Variants in CCDC126 observed in about 807,000 individuals in gnomAD.
The protein encoded by CCDC126 is coiled-coil domain-containing protein 126.
CCDC126 carries 5 observed loss-of-function variants against 11.7 expected under a neutral mutation model. That is an observed-to-expected ratio of 0.43 (90% CI 0.22 to 0.90). CCDC126 has a LOEUF of 0.90. Among genes scored for constraint, CCDC126 ranks in the 40% least tolerant of loss-of-function variants. The pLI, the probability that CCDC126 is intolerant of heterozygous loss-of-function variation, is 0.27. For synonymous variants in CCDC126, 60 were observed against 61.9 expected (o/e 0.97, Z 0.14); for missense variants, 150 against 163.1 (o/e 0.92, Z 0.44).
chr7:23,641,400 A>G (rs1169140497), intron 3 of CCDC126, among the ~76,000 whole-genome samples: 1 of 152,174 alleles, frequency 6.6e-6, no homozygotes, highest in Non-Finnish European at 1.5e-5. Flanking sequence ...TATTCTAGGT[A>G]GTAGATCTTT....
At chr7:23,618,308 C>T (rs1782828665) in intron 3 of CCDC126, among the ~76,000 whole-genome samples, 1 of 152,172 alleles carries the variant, frequency 6.6e-6, no homozygotes, top group Non-Finnish European at 1.5e-5. Context: ...AAATCCCCAA[C>T]TCTCTAATCA....
At chr7:23,629,432 A>G (rs1387276437) in intron 3 of CCDC126, among the ~76,000 whole-genome samples, 1 of 152,204 alleles carries the variant, frequency 6.6e-6, no homozygotes, top group Non-Finnish European at 1.5e-5. Context: ...TGAGAAATCA[A>G]TTTCTATTAA....
intron 3 of CCDC126, among the ~76,000 whole-genome samples, chr7:23,628,117 T>G (rs1016961229): frequency 1.3e-5 from 2 of 152,158 alleles, no homozygotes; most frequent in African/African-American, 4.8e-5. Context: ...CTTTTATAGT[T>G]TGAAGAAAAC....
At chr7:23,638,867 A>C (rs1783298586) in intron 3 of CCDC126, among the ~76,000 whole-genome samples, 1 of 120,328 alleles carries the variant, frequency 8.3e-6, no homozygotes, top group East Asian at 2.1e-4. Context: ...AATTAACAAA[A>C]AAAAAAAAAA....
intron 2 of CCDC126, among the ~76,000 whole-genome samples, chr7:23,606,659 A>G (rs868280168): frequency 2.6e-5 from 4 of 152,166 alleles, no homozygotes; most frequent in East Asian, 1.9e-4. Context: ...TTTGTGCCAT[A>G]TAGACTAATT....
intron 2 of CCDC126, among the ~76,000 whole-genome samples, chr7:23,601,147 G>A (rs1480598390): frequency 6.6e-6 from 1 of 152,226 alleles, no homozygotes; most frequent in Non-Finnish European, 1.5e-5. Flanking sequence ...GCTTTGGGAA[G>A]CTGAGGCAGG....
At position 23,610,795 on chromosome 7, in the gene CCDC126, C is replaced by CT. The variant is rs913682164; in HGVS notation, c.-145-366dup. Among the ~76,000 whole-genome samples, 518 of 146,794 alleles carry CT rather than the reference C, an allele frequency of 3.5e-3. 5 individuals carry two copies. The highest frequency in any genetic ancestry group is 0.011 in the African/African-American group (432 of 40,138). On this transcript the variant is annotated intron_variant, in intron 2 of 3. Transcript: ENST00000307471. ...CCTAACTTTCATTTTGATGTTTTTT[C>CT]TTTTTTTTTTGAGGAAGAATAGCTT...
intron 3 of CCDC126, among the ~76,000 whole-genome samples, chr7:23,629,592 C>CA (rs34772402): frequency 0.028 from 3,978 of 139,722 alleles, 117 homozygotes; most frequent in African/African-American, 0.073. Flanking sequence ...AAGACACCTT[C>CA]AAAAAAAAAA....
intron 2 of CCDC126, among the ~76,000 whole-genome samples, chr7:23,600,247 A>G (rs909786117): frequency 1.3e-5 from 2 of 152,172 alleles, no homozygotes; most frequent in African/African-American, 4.8e-5. Flanking sequence ...TGCCATCTAA[A>G]AATGATCTGA....
intron 3 of CCDC126, chr7:23,622,581 A>T (rs1473212071): frequency 3.7e-6 from 2 of 536,616 alleles, no homozygotes; most frequent in Non-Finnish European, 7.6e-6. Context: ...GTAATGGCTG[A>T]AATTGAGAAA....
chr7:23,613,270 G>A (rs540995793), intron 3 of CCDC126, among the ~76,000 whole-genome samples: 36 of 151,968 alleles, frequency 2.4e-4, no homozygotes, highest in Non-Finnish European at 2.4e-4. Flanking sequence ...GTGATCACAC[G>A]CCACTGCACT....
At chr7:23,612,427 A>T (rs1782730123) in intron 3 of CCDC126, among the ~76,000 whole-genome samples, 2 of 118,872 alleles carry the variant, frequency 1.7e-5, no homozygotes. Flanking sequence ...GTGAGTCGAG[A>T]TTGTGCCACT....
chr7:23,632,087 A>G (rs1783125449), intron 3 of CCDC126, among the ~76,000 whole-genome samples: 1 of 151,598 alleles, frequency 6.6e-6, no homozygotes, highest in South Asian at 2.1e-4. Context: ...ATTAAACACC[A>G]AGTGGGTTTT....
At chr7:23,606,431 C>G (rs1014418125) in intron 2 of CCDC126, among the ~76,000 whole-genome samples, 1 of 151,886 alleles carries the variant, frequency 6.6e-6, no homozygotes, top group South Asian at 2.1e-4. Context: ...AAAATGTCTT[C>G]GAATTATGAG....
intron 3 of CCDC126, among the ~76,000 whole-genome samples, chr7:23,618,485 A>G (rs1195808938): frequency 6.6e-6 from 1 of 152,056 alleles, no homozygotes; most frequent in Non-Finnish European, 1.5e-5. Context: ...CACTCAGGAA[A>G]TTCCAGGCAC....
intron 3 of CCDC126, among the ~76,000 whole-genome samples, chr7:23,639,114 G>GA (rs1783305810): frequency 6.6e-6 from 1 of 151,084 alleles, no homozygotes; most frequent in Middle Eastern, 3.4e-3. Flanking sequence ...CAACTCTACA[G>GA]AAAAAATTTA....
At chr7:23,638,491 C>G (rs1183808392) in intron 3 of CCDC126, among the ~76,000 whole-genome samples, 85 of 110,848 alleles carry the variant, frequency 7.7e-4, no homozygotes, top group African/African-American at 3.1e-3. Context: ...GCAAGATGTG[C>G]TTTGTTAAAC....
At chr7:23,605,926 A>G (rs1371084512) in intron 2 of CCDC126, among the ~76,000 whole-genome samples, 4 of 151,668 alleles carry the variant, frequency 2.6e-5, no homozygotes, top group Admixed American at 2.0e-4. Context: ...TTATGTGCCC[A>G]CCAGCAGAGC....
At chr7:23,640,737 A>G (rs1249141367) in intron 3 of CCDC126, among the ~76,000 whole-genome samples, 1 of 152,090 alleles carries the variant, frequency 6.6e-6, no homozygotes, top group Non-Finnish European at 1.5e-5. Context: ...ATTGTACAAT[A>G]TTTGATTTGA....
Sources: gnomAD v4.1 joint callset for allele counts (sites outside exome capture counted in the v4.1 genomes callset) on GRCh38, gnomAD v4.1.1 for gene constraint, MANE v1.5 for transcripts, NCBI Gene and HGNC (gene_info 2026-07-23, HGNC 2026-07-21) for gene names.